Variants in TBC1D10B observed in about 807,000 individuals in gnomAD.
TBC1D10B encodes TBC1 domain family member 10B.
A neutral mutation model predicts 78.4 loss-of-function variants in TBC1D10B; 25 were observed. That is an observed-to-expected ratio of 0.32 (90% CI 0.23 to 0.45). The LOEUF is 0.45. Among genes scored for constraint, TBC1D10B ranks in the 20% least tolerant of loss-of-function variants. TBC1D10B has a pLI of 1.00. For synonymous variants in TBC1D10B, 517 were observed against 478.0 expected, an observed-to-expected ratio of 1.08 and a Z score of -1.06; for missense variants, 996 against 1,104.8, an observed-to-expected ratio of 0.90 and a Z score of 1.40.
chr16:30,358,183 T>G lies in TBC1D10B; in HGVS notation c.2188A>C (p.Lys730Gln). The change falls in exon 9 of 9, where the codon AAA (lysine) becomes CAA (glutamine). Residue 730 changes from lysine to glutamine, a missense_variant. This residue lies in a region of TBC1D10B where 285 missense variants were observed against 252.5 expected (regional missense o/e 1.13). Transcript: ENST00000409939. ...TGTTTCTGCCGCTCCTTCTCCTGTT[T>G]CTGCCGCTCCTTCTCCTGCTTCCGG... ...ETRKQEKERQKQEKERQKQEK... is the reference protein window; with the variant it reads ...ETRKQEKERQQQEKERQKQEK... 6.4e-7 allele frequency: 1 copy of G among 1,552,404 alleles called. No individual in the cohort carries two copies. Among genetic ancestry groups the G allele is most frequent in the Non-Finnish European group, 8.7e-7 (1 of 1,147,196 alleles).
intron 4 of TBC1D10B, chr16:30,360,151 T>A: frequency 3.1e-6 from 1 of 320,384 alleles, no homozygotes; most frequent in South Asian, 4.2e-5. Context: ...AGCTGCAGCA[T>A]CAGCCCTCCT....
chr16:30,361,368 C>G (rs2049597404), intron 4 of TBC1D10B, among the ~76,000 whole-genome samples: 1 of 152,224 alleles, frequency 6.6e-6, no homozygotes, highest in South Asian at 2.1e-4. Context: ...CCTATAGACT[C>G]ACTGTCTTCA....
At position 30,358,070 on chromosome 16, in the gene TBC1D10B, CCGCTCCTTCTCCTGCTTCTCT is replaced by C. The variant is rs368741540; in HGVS notation, c.2280_2300del (p.Glu761_Arg767del). The C allele has an allele frequency of 1.7e-4, 266 of 1,551,634 alleles. No individual in the cohort carries two copies. Among genetic ancestry groups the C allele is most frequent in the Non-Finnish European group, 2.1e-4 (245 of 1,146,720 alleles). ...CTTGAGCCTTCTTCTCCTGCTTCTGCCGCTCCTTCTCCTGCTTCTCTCGCTCCTTTTCCTGCTTCTCTCGCT... is the reference window on the plus strand; with the variant it reads ...CTTGAGCCTTCTTCTCCTGCTTCTGCCGCTCCTTTTCCTGCTTCTCTCGCT... On this transcript the variant is annotated inframe_deletion, in exon 9 of 9. Transcript: ENST00000409939.
chr16:30,363,504 C>G (rs923145848), intron 4 of TBC1D10B, among the ~76,000 whole-genome samples: 3 of 152,146 alleles, frequency 2.0e-5, no homozygotes, highest in Non-Finnish European at 4.4e-5. Context: ...GCCTGTAATC[C>G]CAGCACTTAA....
chr16:30,362,838 A>G (rs2049607890), intron 4 of TBC1D10B, among the ~76,000 whole-genome samples: 1 of 152,152 alleles, frequency 6.6e-6, no homozygotes, highest in South Asian at 2.1e-4. Context: ...GGAGTTCGAG[A>G]CCAGCCTGGC....
intron 1 of TBC1D10B, among the ~76,000 whole-genome samples, chr16:30,368,371 AC>A (rs2049653156): frequency 6.6e-6 from 1 of 152,192 alleles, no homozygotes; most frequent in Non-Finnish European, 1.5e-5. Context: ...CTGTTTAAGT[AC>A]TTTTCTTTCT....
Position 30,369,566 on chromosome 16 carries a change from T to G in TBC1D10B, c.618A>C (p.Ala206=). Residue 206 remains alanine (A), a synonymous_variant, in exon 1 of 9, where the codon GCA becomes GCC. Coordinates refer to ENST00000409939, the MANE Select transcript of TBC1D10B (RefSeq NM_015527.4). The surrounding 1 kb of genome is among the most constrained non-coding windows in gnomAD (Gnocchi z 4.3). ...CTGAGGGGTCCTCAGGAGCCTGTCC[T>G]GCTGATGCTGATGTTGCTGCGGCAG... ...HGAAAATSAS[A]GQAPEDPSGP... 1 of 1,534,246 alleles carries G rather than the reference T, an allele frequency of 6.5e-7. No individual in the cohort carries two copies. Among genetic ancestry groups the G allele is most frequent in the Non-Finnish European group, 8.8e-7 (1 of 1,137,794 alleles).
rs565538011 is a variant in TBC1D10B, at chr16:30,359,956, G to A, written c.1272-115C>T. ...CCAGGCTCCTCCATCCACCTGCCCA[G>A]TCCTGCTGAGCGAGCTTCAGCTAAA... is the stretch of plus-strand genomic sequence containing the variant. On this transcript the variant is annotated intron_variant, in intron 4 of 8. Transcript: ENST00000409939. 6.3e-6 allele frequency: 6 copies of A among 945,280 alleles called. No homozygotes were observed. In the African/African-American group the frequency reaches 8.3e-5, roughly 13 times the overall value. 58.6% of individuals were successfully genotyped at this position (945,280 alleles called of 1,614,324 possible). A position where few individuals can be genotyped will look rare whatever the true frequency, so the allele number is the denominator to read the frequency against.
intron 6 of TBC1D10B, 39 bp downstream of exon 6, chr16:30,359,499 C>T (rs1449516062): frequency 1.6e-5 from 25 of 1,552,478 alleles, no homozygotes; most frequent in African/African-American, 2.7e-5. Flanking sequence ...CTGGAGGAAA[C>T]GCCACAGCCC....
intron 4 of TBC1D10B, among the ~76,000 whole-genome samples, chr16:30,361,772 C>G (rs1470814471): frequency 2.6e-5 from 4 of 151,650 alleles, no homozygotes; most frequent in African/African-American, 9.7e-5. Flanking sequence ...AGTGCAATGG[C>G]GTGATCTCGG....
At position 30,357,922 on chromosome 16, in the gene TBC1D10B, C is replaced by G. The variant is rs900278129; in HGVS notation, c.*22G>C. On this transcript the variant is annotated 3_prime_UTR_variant, in exon 9 of 9. Coordinates refer to ENST00000409939, the MANE Select transcript of TBC1D10B (RefSeq NM_015527.4). ...GGCTGAGGGAAAGAGGGGGGCCATG[C>G]AGTCCAGCCCCAGGGCAGAGGTCAG... 24 of 1,539,794 alleles carry G rather than the reference C, an allele frequency of 1.6e-5. No homozygotes were observed. The highest frequency in any genetic ancestry group is 2.1e-5 in the Non-Finnish European group (24 of 1,140,838).
rs750572494 is a variant in TBC1D10B at position 30,369,524 on chromosome 16, G to A, written c.660C>T (p.Pro220=). The A allele has an allele frequency of 1.3e-6, 2 of 1,550,888 alleles. No homozygotes were observed. The highest frequency in any genetic ancestry group is 1.4e-5 in the African/African-American group (1 of 73,110). Residue 220 remains proline (P), a synonymous_variant, in exon 1 of 9, where the codon CCC becomes CCT. Coordinates refer to ENST00000409939, the MANE Select transcript of TBC1D10B (RefSeq NM_015527.4). This position sits in a 1 kb window ranked among gnomAD's most constrained non-coding sequence, Gnocchi z 4.3. ...CTACCGGAGCCTCACAAGTCCCAGA[G>A]GGGCCTGTGCCAGGGCCTGAGGGGT... is the stretch of plus-strand genomic sequence containing the variant. ...PEDPSGPGTG[P]SGTCEAPVAV...
Position 30,369,729 on chromosome 16 carries a change from G to A in TBC1D10B, c.455C>T (p.Thr152Ile). 3 of 1,470,944 alleles carry A rather than the reference G, an allele frequency of 2.0e-6. No individual in the cohort carries two copies. Among genetic ancestry groups the A allele is most frequent in the Non-Finnish European group, 2.7e-6 (3 of 1,109,682 alleles). 91.1% of individuals were successfully genotyped at this position (1,470,944 alleles called of 1,614,324 possible). Residue 152 changes from threonine to isoleucine, a missense_variant, in exon 1 of 9, where the codon ACC becomes ATC. Thr to Ile is a moderately conservative substitution (Grantham distance 89). Coordinates refer to ENST00000409939, the MANE Select transcript of TBC1D10B (RefSeq NM_015527.4). The surrounding 1 kb of genome is among the most constrained non-coding windows in gnomAD (Gnocchi z 4.3). ...PAPGPGTPTGTPTRTPSRTAP... is the reference protein window; with the variant it reads ...PAPGPGTPTGIPTRTPSRTAP... ...CGTTCTGGAAGGGGTCCTGGTAGGG[G>A]TCCCGGTGGGGGTCCCTGGTCCTGG...
At position 30,365,332 on chromosome 16, in the gene TBC1D10B, G is replaced by A. The variant is rs2049628340; in HGVS notation, c.1057-120C>T. 1 of 1,217,718 alleles carries A rather than the reference G, an allele frequency of 8.2e-7. No homozygotes were observed. The highest frequency in any genetic ancestry group is 1.5e-5 in the African/African-American group (1 of 66,608). 75.4% of individuals were successfully genotyped at this position (1,217,718 alleles called of 1,614,324 possible). On this transcript the variant is annotated intron_variant, in intron 2 of 8. Transcript: ENST00000409939. This position sits in a 1 kb window ranked among gnomAD's most constrained non-coding sequence, Gnocchi z 5.0. ...ACATCCCATAGGCTTGATTCCACTG[G>A]ACCTGGCCTGGACTTCTATTTTTAA... is the stretch of plus-strand genomic sequence containing the variant.
intron 4 of TBC1D10B, among the ~76,000 whole-genome samples, chr16:30,361,524 G>C (rs2049598480): frequency 6.6e-6 from 1 of 151,488 alleles, no homozygotes; most frequent in South Asian, 2.1e-4. Flanking sequence ...CTGTCTCCCA[G>C]GTTCACGCAA....
At chr16:30,366,573 CT>C (rs1422392465) in intron 1 of TBC1D10B, 2 of 152,072 alleles carry the variant, frequency 1.3e-5, no homozygotes, top group African/African-American at 4.8e-5. Flanking sequence ...ACGCAACCAT[CT>C]GAGTTTTGTC....
Position 30,369,354 on chromosome 16 carries a change from G to C in TBC1D10B, c.830C>G (p.Ser277Cys). The change falls in exon 1 of 9, where the codon TCT becomes TGT. Residue 277 changes from serine (S) to cysteine (C), a missense_variant. Transcript: ENST00000409939. This position sits in a 1 kb window ranked among gnomAD's most constrained non-coding sequence, Gnocchi z 4.3. Reference protein sequence around the residue: ...LSYLDSVSLMSGTLESLADDV... With the variant: ...LSYLDSVSLMCGTLESLADDV... The stretch of plus-strand genomic sequence containing the variant: ...ATCCGCCAAGGACTCCAAGGTCCCA[G>C]ACATGAGGCTCACGGAGTCCAAGTA... The C allele has an allele frequency of 3.8e-6, 6 of 1,598,284 alleles. No homozygotes were observed. The highest frequency in any genetic ancestry group is 5.1e-6 in the Non-Finnish European group (6 of 1,172,598).
chr16:30,359,448 G>T lies in TBC1D10B; in HGVS notation c.1453-87C>A. On this transcript the variant is annotated intron_variant, in intron 6 of 8. Coordinates refer to ENST00000409939, the MANE Select transcript of TBC1D10B (RefSeq NM_015527.4). ...CTGGCCGGCCCTGTGGGCAGAAGCC[G>T]GGAAGGCCAGGGTGGGGCAAGGCAA... 6.5e-7 allele frequency: 1 copy of T among 1,546,406 alleles called. No homozygotes were observed. Among genetic ancestry groups the T allele is most frequent in the Non-Finnish European group, 8.8e-7 (1 of 1,142,684 alleles).
chr16:30,361,541 T>C (rs2049598596), intron 4 of TBC1D10B, among the ~76,000 whole-genome samples: 1 of 152,044 alleles, frequency 6.6e-6, no homozygotes, highest in African/African-American at 2.4e-5. Context: ...GCAATTCTCC[T>C]GCCTCAGCCT....
Sources: allele counts gnomAD v4.1 joint callset (sites outside exome capture counted in the v4.1 genomes callset), GRCh38; gene constraint gnomAD v4.1.1; regional missense constraint gnomAD v4.1.1; non-coding constraint Gnocchi (gnomAD v3.1); transcripts MANE v1.5; gene names NCBI Gene and HGNC (gene_info 2026-07-23, HGNC 2026-07-21).